Variants in MCC observed in about 807,000 individuals in gnomAD.
MCC encodes the protein colorectal mutant cancer protein.
MCC carries 90 observed loss-of-function variants against 116.2 expected under a neutral mutation model. The ratio of observed to expected loss-of-function variants is 0.77; its 90% CI spans 0.65 to 0.92. MCC has a LOEUF of 0.92. MCC is among the 40% of genes least tolerant of loss of function. MCC has a pLI of 0.00. For synonymous variants in MCC, 578 were observed against 510.5 expected (o/e 1.13, Z -1.78); for missense variants, 1,516 against 1,312.2 (o/e 1.16, Z -2.40).
intron 3 of MCC, among the ~76,000 whole-genome samples, chr5:113,192,081 T>C (rs780940926): frequency 2.0e-5 from 3 of 152,214 alleles, no homozygotes; most frequent in East Asian, 1.9e-4. Context: ...TAGAAGATGA[T>C]GTTTATGTCA....
chr5:113,182,108 G>C (rs1320918715), intron 3 of MCC, among the ~76,000 whole-genome samples: 5 of 152,208 alleles, frequency 3.3e-5, no homozygotes, highest in African/African-American at 4.8e-5. Flanking sequence ...CTTCACCAGA[G>C]TTGTTCCTTA....
intron 2 of MCC, among the ~76,000 whole-genome samples, chr5:113,358,813 C>A (rs1200684984): frequency 6.6e-6 from 1 of 152,126 alleles, no homozygotes; most frequent in African/African-American, 2.4e-5. Context: ...ATCGCTTAGT[C>A]CACAACAGAA....
intron 11 of MCC, among the ~76,000 whole-genome samples, chr5:113,080,182 G>A (rs1754752137): frequency 6.6e-6 from 1 of 152,210 alleles, no homozygotes; most frequent in African/African-American, 2.4e-5. Flanking sequence ...TGGAGAAACA[G>A]GAACACTTTT....
At chr5:113,232,771 A>G (rs544836335) in intron 3 of MCC, among the ~76,000 whole-genome samples, 29 of 152,250 alleles carry the variant, frequency 1.9e-4, no homozygotes, top group Non-Finnish European at 3.1e-4. Flanking sequence ...TCTTTAGAAA[A>G]ACCCAGACTC....
At chr5:113,151,100 T>C (rs1759837965) in intron 4 of MCC, among the ~76,000 whole-genome samples, 1 of 152,158 alleles carries the variant, frequency 6.6e-6, no homozygotes, top group African/African-American at 2.4e-5. Context: ...ACCTTGGACT[T>C]CGTAGCTTCT....
chr5:113,337,358 G>T (rs1038918), intron 3 of MCC, among the ~76,000 whole-genome samples: 2 of 151,972 alleles, frequency 1.3e-5, no homozygotes, highest in Non-Finnish European at 2.9e-5. Context: ...GCTGGACGAA[G>T]GTTCAGAAGT....
At chr5:113,042,594 T>C (rs1045804581) in intron 17 of MCC, among the ~76,000 whole-genome samples, 1 of 149,808 alleles carries the variant, frequency 6.7e-6, no homozygotes, top group African/African-American at 2.5e-5. Flanking sequence ...AGGTCAAACA[T>C]CACAATGAAC....
At chr5:113,396,009 A>G (rs1769517697) in intron 1 of MCC, among the ~76,000 whole-genome samples, 1 of 152,126 alleles carries the variant, frequency 6.6e-6, no homozygotes, top group Admixed American at 6.5e-5. Context: ...GAGGGTTTTC[A>G]GGACACTCAG....
chr5:113,157,161 G>A (rs1356125853), intron 3 of MCC, among the ~76,000 whole-genome samples: 5 of 152,292 alleles, frequency 3.3e-5, no homozygotes, highest in East Asian at 3.9e-4. Context: ...GTTATTAGGT[G>A]CTTCTGCATT....
intron 14 of MCC, among the ~76,000 whole-genome samples, chr5:113,057,037 G>A (rs1752879604): frequency 6.6e-6 from 1 of 152,194 alleles, no homozygotes; most frequent in Non-Finnish European, 1.5e-5. Flanking sequence ...GTGGACCTAA[G>A]GGAGGCGAGA....
chr5:113,042,382 G>A lies in MCC; in HGVS notation c.2756+1148C>T, dbSNP rs577947353. 2.7e-5 allele frequency among the ~76,000 whole-genome samples: 4 copies of A among 149,716 alleles called. No individual in the cohort carries two copies. The South Asian group carries it at 8.5e-4, about 32-fold the overall frequency. ...CCTAGCTACTTGGGAGGCTGGGGTG[G>A]GAGGATCACTTGAGCCCAGGAGATT... On this transcript the variant is annotated intron_variant, in intron 17 of 18. Transcript: ENST00000408903.
chr5:113,101,851 C>G lies in MCC; in HGVS notation c.1286G>C (p.Arg429Thr). ...SRWEKELAGL[R>T]EENESLTAML... ...GGCAGTCAGGCTCTCATTCTCTTCC[C>G]TCAGCCCAGCCAGCTCCTTCTCCCA... Residue 429 changes from arginine (R) to threonine (T), a missense_variant, in exon 8 of 19, where the codon AGG (arginine) becomes ACG (threonine). Transcript: ENST00000408903. The G allele has an allele frequency of 6.2e-7, 1 of 1,613,744 alleles. No homozygotes were observed. Among genetic ancestry groups the G allele is most frequent in the African/African-American group, 1.3e-5 (1 of 75,014 alleles).
intron 1 of MCC, among the ~76,000 whole-genome samples, chr5:113,410,671 T>C (rs1448557654): frequency 6.6e-6 from 1 of 152,234 alleles, no homozygotes; most frequent in East Asian, 1.9e-4. Context: ...GCAGGTTACA[T>C]AGGTATACAT....
At chr5:113,328,681 G>C (rs1389251593) in intron 3 of MCC, among the ~76,000 whole-genome samples, 3 of 152,134 alleles carry the variant, frequency 2.0e-5, no homozygotes, top group African/African-American at 7.2e-5. Context: ...AATCGTGTCA[G>C]GAGGCCCCAA....
At chr5:113,275,309 T>C (rs1378529177) in intron 3 of MCC, among the ~76,000 whole-genome samples, 1 of 152,198 alleles carries the variant, frequency 6.6e-6, no homozygotes, top group Non-Finnish European at 1.5e-5. Flanking sequence ...TTTGGTCAGA[T>C]ACAGTTTAAA....
At chr5:113,487,526 A>G (rs1025830400) in intron 1 of MCC, among the ~76,000 whole-genome samples, 1 of 152,244 alleles carries the variant, frequency 6.6e-6, no homozygotes, top group African/African-American at 2.4e-5. Context: ...GGGGATCCGA[A>G]GCAAACACCC....
In MCC at chr5:113,027,378, A is replaced by C; in HGVS notation, c.2984T>G (p.Val995Gly). ...AGCTATTCTTTGCTTGAGCATCCTC[A>C]CTTGGGTCTCATGTCTCTCCACCAT... ...MAMVERHETQVRMLKQRIALL... is the reference protein window; with the variant it reads ...MAMVERHETQGRMLKQRIALL... Residue 995 changes from valine (V) to glycine (G), a missense_variant, in exon 19 of 19, where the codon GTG becomes GGG. By Grantham distance (109) the Val-to-Gly change is moderately radical (BLOSUM62 -3). Coordinates refer to ENST00000408903, the MANE Select transcript of MCC (RefSeq NM_001085377.2). The C allele has an allele frequency of 6.2e-7, 1 of 1,613,780 alleles. No homozygotes were observed.
At chr5:113,171,591 G>C (rs1411241801) in intron 3 of MCC, among the ~76,000 whole-genome samples, 2 of 152,070 alleles carry the variant, frequency 1.3e-5, no homozygotes, top group Non-Finnish European at 2.9e-5. Flanking sequence ...CTGGCCTCAA[G>C]TGATCAGCCC....
At chr5:113,140,122 T>G (rs532240725) in intron 5 of MCC, among the ~76,000 whole-genome samples, 4 of 152,346 alleles carry the variant, frequency 2.6e-5, no homozygotes, top group African/African-American at 7.2e-5. Flanking sequence ...TTCTGGTGCT[T>G]TACTTGTATC....
Sources: allele counts gnomAD v4.1 joint callset (sites outside exome capture counted in the v4.1 genomes callset), GRCh38; gene constraint gnomAD v4.1.1; transcripts MANE v1.5; gene names NCBI Gene and HGNC (gene_info 2026-07-23, HGNC 2026-07-21).